CCDC171: variants seen among roughly 807,000 people sequenced by gnomAD.
CCDC171 encodes the protein coiled-coil domain containing 171, also known as coiled-coil domain-containing protein 171.
In CCDC171, 177 loss-of-function variants were observed where a neutral mutation model predicts 168.2. The observed-to-expected ratio is 1.05, with a 90% CI of 0.93 to 1.19. The LOEUF (loss-of-function observed/expected upper bound fraction) is 1.19, where lower values mean the gene tolerates loss of function less well. Ranked by LOEUF, CCDC171 falls within the 50% of genes most tolerant of loss-of-function variation. The pLI is 0.00. For missense variants in CCDC171, 1,991 were observed against 1,539.0 expected, an observed-to-expected ratio of 1.29 and a Z score of -4.91; for synonymous variants, 687 against 540.8, an observed-to-expected ratio of 1.27 and a Z score of -3.75.
chr9:15,810,907 C>T (rs1006659205), intron 21 of CCDC171, among the ~76,000 whole-genome samples: 15 of 152,342 alleles, frequency 9.8e-5, no homozygotes, highest in Non-Finnish European at 1.6e-4. Flanking sequence ...ACGCTGAGGC[C>T]GAGGAGGTGC....
At chr9:15,567,101 A>T (rs2039803955) in intron 2 of CCDC171, among the ~76,000 whole-genome samples, 1 of 148,778 alleles carries the variant, frequency 6.7e-6, no homozygotes, top group Admixed American at 6.8e-5. Flanking sequence ...ATCTCACTGC[A>T]ACCTCTGTCC....
At position 15,821,370 on chromosome 9, in the gene CCDC171, T is replaced by A. The variant is rs2059762925; in HGVS notation, c.3268-25332T>A. ...GGCAGGAGAAGGAAATAAAGGGCATTCAGTTAGGAAAACAGGACGTCAAAT... is the reference window on the plus strand; with the variant it reads ...GGCAGGAGAAGGAAATAAAGGGCATACAGTTAGGAAAACAGGACGTCAAAT... On this transcript the variant is annotated intron_variant, in intron 21 of 25. Coordinates refer to ENST00000380701, the MANE Select transcript of CCDC171 (RefSeq NM_173550.4). Among the ~76,000 whole-genome samples the A allele has an allele frequency of 1.7e-5, 2 of 116,776 alleles. 1 individual carries two copies. The highest frequency in any genetic ancestry group is 5.7e-4 in the South Asian group (2 of 3,510). The allele number at this position is 116,776 out of a possible 152,430, so 76.6% of individuals were successfully genotyped here. A position where few individuals can be genotyped will look rare whatever the true frequency, so the allele number is the denominator to read the frequency against.
At chr9:15,958,993 A>G (rs10810510) in intron 25 of CCDC171, among the ~76,000 whole-genome samples, 50,406 of 152,028 alleles carry the variant, frequency 0.33, 10,429 homozygotes, top group East Asian at 0.62. Flanking sequence ...GTCTCTCTCC[A>G]CTGCCTCAGC....
intron 11 of CCDC171, among the ~76,000 whole-genome samples, chr9:15,698,375 G>C (rs1234034733): frequency 6.6e-6 from 1 of 152,082 alleles, no homozygotes; most frequent in African/African-American, 2.4e-5. Context: ...CAAAAAATTA[G>C]CCAGGCGTGG....
At chr9:15,598,924 G>C (rs577107434) in intron 6 of CCDC171, among the ~76,000 whole-genome samples, 89 of 152,098 alleles carry the variant, frequency 5.9e-4, no homozygotes, top group African/African-American at 2.0e-3. Context: ...TGTCTCTTTT[G>C]ATCTTTGTTG....
chr9:16,093,076 G>A, the CCDC171 span, among the ~76,000 whole-genome samples: 1 of 152,318 alleles, frequency 6.6e-6, no homozygotes, highest in East Asian at 1.9e-4. Flanking sequence ...CATTTTCAAA[G>A]CAGGAAAACA....
chr9:15,909,206 C>G (rs989829795), intron 24 of CCDC171, among the ~76,000 whole-genome samples: 2 of 152,190 alleles, frequency 1.3e-5, no homozygotes, highest in Non-Finnish European at 2.9e-5. Context: ...TACCCCGTCT[C>G]CTACCTGTTT....
chr9:15,776,342 C>T (rs1229852375), intron 18 of CCDC171: 2 of 152,074 alleles, frequency 1.3e-5, no homozygotes, highest in Admixed American at 1.3e-4. Context: ...TGTGTATTTT[C>T]ATTATACTTT....
intron 21 of CCDC171, among the ~76,000 whole-genome samples, chr9:15,843,690 T>TATACTTCATATA (rs1189543741): frequency 6.6e-6 from 1 of 152,106 alleles, no homozygotes; most frequent in African/African-American, 2.4e-5. Flanking sequence ...CACTTATATA[T>TATACTTCATATA]GAAGTATGTG....
chr9:15,810,288 A>T (rs553764103), intron 21 of CCDC171, among the ~76,000 whole-genome samples: 6 of 152,284 alleles, frequency 3.9e-5, no homozygotes, highest in Middle Eastern at 3.4e-3. Context: ...GGCTAGACAT[A>T]AAAGTTCTCC....
intron 7 of CCDC171, among the ~76,000 whole-genome samples, chr9:15,627,399 A>G (rs2045243407): frequency 1.3e-5 from 2 of 151,574 alleles, no homozygotes; most frequent in South Asian, 2.1e-4. Flanking sequence ...AGTTCTTTTA[A>G]TTGTGATGTT....
chr9:15,701,680 C>A (rs182270127), intron 11 of CCDC171, among the ~76,000 whole-genome samples: 1 of 150,304 alleles, frequency 6.7e-6, no homozygotes, highest in African/African-American at 2.4e-5. Flanking sequence ...CTCCGGAGTA[C>A]AATTTCTTTT....
chr9:15,967,657 C>A (rs1043805037), intron 25 of CCDC171, among the ~76,000 whole-genome samples: 2 of 152,136 alleles, frequency 1.3e-5, no homozygotes, highest in Non-Finnish European at 2.9e-5. Context: ...ACTAATTTAC[C>A]TGCCCCAAAT....
chr9:16,059,148 G>T (rs1022935271), intron 1 of CCDC171, among the ~76,000 whole-genome samples: 5 of 152,114 alleles, frequency 3.3e-5, no homozygotes, highest in South Asian at 2.1e-4. Context: ...GGTCATTTTT[G>T]ATCTTATTAC....
intron 11 of CCDC171, among the ~76,000 whole-genome samples, chr9:15,701,318 G>T (rs994723256): frequency 6.6e-6 from 1 of 152,216 alleles, no homozygotes; most frequent in African/African-American, 2.4e-5. Context: ...TCTTTGCCTA[G>T]ATCAGTGTCC....
chr9:15,949,060 C>G, intron 25 of CCDC171, among the ~76,000 whole-genome samples: 1 of 152,082 alleles, frequency 6.6e-6, no homozygotes. Flanking sequence ...GTTTTCCCAG[C>G]ACCATTTATT....
chr9:16,025,089 C>G (rs759304932), intron 6 of CCDC171, among the ~76,000 whole-genome samples: 10 of 152,172 alleles, frequency 6.6e-5, no homozygotes, highest in Non-Finnish European at 1.5e-4. Flanking sequence ...ACCATATGAC[C>G]CAGCAACTTC....
At position 15,697,588 on chromosome 9, in the gene CCDC171, G is replaced by A. The variant is rs534904742; in HGVS notation, c.1318+2251G>A. 4.7e-3 allele frequency among the ~76,000 whole-genome samples: 719 copies of A among 152,194 alleles called. 8 individuals are homozygous for A. Among genetic ancestry groups the A allele is most frequent in the African/African-American group, 0.016 (676 of 41,532 alleles). ...TTACATAAGCAAAAAAGTGAGTCAC[G>A]AGTTTTTCGGCTTCCCAGTATGTTT... On this transcript the variant is annotated intron_variant, in intron 11 of 25. Coordinates refer to ENST00000380701, the MANE Select transcript of CCDC171 (RefSeq NM_173550.4).
chr9:15,860,081 A>G (rs558954566), intron 23 of CCDC171, among the ~76,000 whole-genome samples: 2 of 151,300 alleles, frequency 1.3e-5, no homozygotes, highest in South Asian at 4.2e-4. Flanking sequence ...ATAATTGTTC[A>G]TAGTAGTCTC....
Sources: gnomAD v4.1 joint callset for allele counts (sites outside exome capture counted in the v4.1 genomes callset) on GRCh38, gnomAD v4.1.1 for gene constraint, MANE v1.5 for transcripts, NCBI Gene and HGNC (gene_info 2026-07-23, HGNC 2026-07-21) for gene names.